RASSF8: variants seen among roughly 807,000 people sequenced by gnomAD.
RASSF8 encodes ras association domain-containing protein 8.
RASSF8 carries 22 observed loss-of-function variants against 48.5 expected under a neutral mutation model. That is an observed-to-expected ratio of 0.45 (90% CI 0.32 to 0.65). The LOEUF (loss-of-function observed/expected upper bound fraction) is 0.65. Among genes scored for constraint, RASSF8 ranks in the 30% least tolerant of loss-of-function variants. RASSF8 has a pLI of 0.03. For missense variants in RASSF8, 418 were observed against 489.2 expected, an observed-to-expected ratio of 0.85 and a Z score of 1.37; for synonymous variants, 127 against 171.5, an observed-to-expected ratio of 0.74 and a Z score of 2.03.
chr12:26,052,303 A>G (rs1314283795), intron 2 of RASSF8, among the ~76,000 whole-genome samples: 1 of 152,234 alleles, frequency 6.6e-6, no homozygotes, highest in Non-Finnish European at 1.5e-5. Context: ...CAAATGCTCA[A>G]TTCCAGGAGG....
intron 1 of RASSF8, among the ~76,000 whole-genome samples, chr12:25,965,005 C>T (rs1445880710): frequency 1.9e-4 from 29 of 150,776 alleles, no homozygotes; most frequent in Admixed American, 1.7e-3. Context: ...TGCAGTGGCA[C>T]GATCTTGGCT....
At chr12:26,057,890 AT>A in intron 3 of RASSF8, among the ~76,000 whole-genome samples, 1 of 152,014 alleles carries the variant, frequency 6.6e-6, no homozygotes, top group Non-Finnish European at 1.5e-5. Flanking sequence ...GATGGTGAGC[AT>A]TTTTTCATGT....
intron 3 of RASSF8, among the ~76,000 whole-genome samples, chr12:26,058,533 C>T (rs1253895197): frequency 3.4e-5 from 2 of 58,958 alleles, no homozygotes; most frequent in African/African-American, 5.1e-5. Context: ...TGCGCACGCG[C>T]GCGCGCACAC....
intron 1 of RASSF8, among the ~76,000 whole-genome samples, chr12:25,967,563 T>G (rs1941387798): frequency 6.6e-6 from 1 of 152,102 alleles, no homozygotes; most frequent in Non-Finnish European, 1.5e-5. Context: ...GCTACACAGG[T>G]GTAGCCTTGA....
At chr12:26,056,416 A>G (rs1408472407) in intron 3 of RASSF8, among the ~76,000 whole-genome samples, 1 of 152,232 alleles carries the variant, frequency 6.6e-6, no homozygotes, top group African/African-American at 2.4e-5. Flanking sequence ...TTCATTTAAC[A>G]AACATGTACT....
intron 2 of RASSF8, among the ~76,000 whole-genome samples, chr12:26,026,077 G>C (rs1356053969): frequency 6.6e-6 from 1 of 152,136 alleles, no homozygotes; most frequent in African/African-American, 2.4e-5. Flanking sequence ...GAATTAAATA[G>C]TAGTTGCTTA....
intron 1 of RASSF8, among the ~76,000 whole-genome samples, chr12:25,960,255 A>G (rs988319556): frequency 6.6e-6 from 1 of 152,048 alleles, no homozygotes; most frequent in African/African-American, 2.4e-5. Flanking sequence ...TTTGCCTTTC[A>G]TCTTGGAGTT....
chr12:26,045,276 A>G (rs1056743601), intron 2 of RASSF8, among the ~76,000 whole-genome samples: 1 of 152,144 alleles, frequency 6.6e-6, no homozygotes, highest in Non-Finnish European at 1.5e-5. Context: ...AGCATTTAAT[A>G]TTTTATCAAC....
At chr12:26,012,027 T>G (rs1463901513) in intron 2 of RASSF8, among the ~76,000 whole-genome samples, 2 of 152,226 alleles carry the variant, frequency 1.3e-5, no homozygotes, top group Non-Finnish European at 2.9e-5. Context: ...TAGTGAATGT[T>G]TTTTGAAACA....
intron 1 of RASSF8, among the ~76,000 whole-genome samples, chr12:25,960,918 T>C (rs1941217830): frequency 1.3e-5 from 2 of 152,238 alleles, no homozygotes; most frequent in African/African-American, 4.8e-5. Context: ...GTTTAAGTTG[T>C]TTATAGGATG....
chr12:26,020,563 G>A (rs1294048186), intron 2 of RASSF8: 1 of 152,124 alleles, frequency 6.6e-6, no homozygotes, highest in Non-Finnish European at 1.5e-5. Flanking sequence ...TGCGGGTGAG[G>A]AGGTAATGAG....
chr12:25,993,721 T>G (rs1009285382), intron 1 of RASSF8, among the ~76,000 whole-genome samples: 4 of 152,158 alleles, frequency 2.6e-5, no homozygotes, highest in Non-Finnish European at 5.9e-5. Context: ...TTATCTTCTT[T>G]AGGAGGTAGG....
At chr12:26,045,337 G>A (rs2172912) in intron 2 of RASSF8, among the ~76,000 whole-genome samples, 11,457 of 152,072 alleles carry the variant, frequency 0.075, 469 homozygotes, top group East Asian at 0.12. Flanking sequence ...TTTCTGCTTT[G>A]CCTGCTGTGC....
chr12:25,977,907 T>C (rs929837429), intron 1 of RASSF8, among the ~76,000 whole-genome samples: 1 of 152,170 alleles, frequency 6.6e-6, no homozygotes, highest in Admixed American at 6.5e-5. Flanking sequence ...GTACCATCTT[T>C]CAAAAGAGCA....
At chr12:26,063,216 A>G (rs1943785304) in intron 3 of RASSF8, among the ~76,000 whole-genome samples, 1 of 152,154 alleles carries the variant, frequency 6.6e-6, no homozygotes, top group African/African-American at 2.4e-5. Flanking sequence ...CTTTGTAATT[A>G]TTTATGTACA....
intron 1 of RASSF8, among the ~76,000 whole-genome samples, chr12:25,970,041 T>G (rs1052218340): frequency 6.6e-6 from 1 of 152,212 alleles, no homozygotes; most frequent in South Asian, 2.1e-4. Context: ...CTCCCTGATA[T>G]TTTTTCTCAA....
At chr12:26,048,685 C>T (rs558316938) in intron 2 of RASSF8, among the ~76,000 whole-genome samples, 7 of 152,166 alleles carry the variant, frequency 4.6e-5, no homozygotes, top group African/African-American at 1.7e-4. Context: ...ATGGCTCTCT[C>T]TAGCCTCTCT....
intron 4 of RASSF8, among the ~76,000 whole-genome samples, chr12:26,067,299 G>A (rs1462658990): frequency 6.6e-6 from 1 of 152,120 alleles, no homozygotes; most frequent in Non-Finnish European, 1.5e-5. Flanking sequence ...TCAGAAGGGT[G>A]CATAATGGTT....
chr12:25,997,832 A>G (rs1216175834), intron 2 of RASSF8, among the ~76,000 whole-genome samples: 2 of 152,158 alleles, frequency 1.3e-5, no homozygotes, highest in Non-Finnish European at 2.9e-5. Flanking sequence ...ATTGTGACCT[A>G]ATTATTTTAT....
Sources: allele counts gnomAD v4.1 joint callset (sites outside exome capture counted in the v4.1 genomes callset), GRCh38; gene constraint gnomAD v4.1.1; transcripts MANE v1.5; gene names NCBI Gene and HGNC (gene_info 2026-07-23, HGNC 2026-07-21).